Variants in RIMBP2 observed in about 807,000 individuals in gnomAD.
RIMBP2 encodes RIMS binding protein 2.
In RIMBP2, 48 loss-of-function variants were observed where a neutral mutation model predicts 118.6. The ratio of observed to expected loss-of-function variants is 0.40; its 90% CI spans 0.32 to 0.51. The LOEUF is 0.51. Among genes scored for constraint, RIMBP2 ranks in the 20% least tolerant of loss-of-function variants. The pLI is 0.41. For missense variants in RIMBP2, 1,551 were observed against 1,768.3 expected, an observed-to-expected ratio of 0.88 and a Z score of 2.20; for synonymous variants, 762 against 742.9, an observed-to-expected ratio of 1.03 and a Z score of -0.42.
rs1458623576 is a variant in RIMBP2, at chr12:130,458,125, C to G, written c.154-1425G>C. On this transcript the variant is annotated intron_variant, in intron 6 of 22. Coordinates refer to ENST00000690449, the MANE Select transcript of RIMBP2 (RefSeq NM_001393629.1). ...ATCCATCCTCTCCCCCACTATCCCT[C>G]CACAGGCAGCAGGCTTCTCAGCTCC... Among the ~76,000 whole-genome samples, 4 of 151,420 alleles carry G rather than the reference C, an allele frequency of 2.6e-5. No homozygotes were observed. In the East Asian group the frequency reaches 5.9e-4, roughly 22 times the overall value.
At position 130,436,947 on chromosome 12, in the gene RIMBP2, G is replaced by T; in HGVS notation, c.2001C>A (p.Pro667=). ...EPPVGPGRRS[P]SPSRILPQPQ... The stretch of plus-strand genomic sequence containing the variant: ...GCTGTGGCAGGATGCGGCTGGGTGA[G>T]GGCGACCGCCTTCCGGGGCCCACGG... The change falls in exon 13 of 23, where the codon CCC becomes CCA. Residue 667 remains proline (P), a synonymous_variant. Coordinates refer to ENST00000690449, the MANE Select transcript of RIMBP2 (RefSeq NM_001393629.1). 1.2e-6 allele frequency: 2 copies of T among 1,602,274 alleles called. No homozygotes were observed. Among genetic ancestry groups the T allele is most frequent in the Non-Finnish European group, 1.7e-6 (2 of 1,175,930 alleles).
chr12:130,708,490 C>T (rs1593050615), intron 1 of RIMBP2, among the ~76,000 whole-genome samples: 1 of 152,062 alleles, frequency 6.6e-6, no homozygotes, highest in Non-Finnish European at 1.5e-5. Flanking sequence ...GAGTTTGAGA[C>T]CAGCCTGGGC....
At chr12:130,714,660 C>T (rs1220710574) in intron 1 of RIMBP2, among the ~76,000 whole-genome samples, 1 of 152,196 alleles carries the variant, frequency 6.6e-6, no homozygotes, top group African/African-American at 2.4e-5. Flanking sequence ...TGCCATATGG[C>T]CACGGCACAG....
In RIMBP2 at chr12:130,414,151, G is replaced by C. The variant is rs1458928890; in HGVS notation, c.3394C>G (p.Pro1132Ala). The C allele has an allele frequency of 6.2e-7, 1 of 1,614,206 alleles. No homozygotes were observed. Reference sequence around the variant, plus strand: ...TTGATGATCTGGCCTTCTTTAAAGGGAAGCTCCTCCTCTGCAGCATCTGGG... The same window carrying C: ...TTGATGATCTGGCCTTCTTTAAAGGCAAGCTCCTCCTCTGCAGCATCTGGG... ...PNPDAAEEEL[P>A]FKEGQIIKVY... The change falls in exon 18 of 23, where the codon CCC (proline) becomes GCC (alanine). Residue 1132 changes from proline (P) to alanine (A), a missense_variant. This residue lies in a region of RIMBP2 where 1,038 missense variants were observed against 1,125.1 expected (regional missense o/e 0.92). Coordinates refer to ENST00000690449, the MANE Select transcript of RIMBP2 (RefSeq NM_001393629.1).
At chr12:130,605,265 T>C (rs760931544) in intron 2 of RIMBP2, among the ~76,000 whole-genome samples, 3 of 152,218 alleles carry the variant, frequency 2.0e-5, no homozygotes, top group Non-Finnish European at 2.9e-5. Context: ...GTAGACTCTA[T>C]AAATCAAAGA....
chr12:130,492,692 C>T (rs1256790528), intron 4 of RIMBP2, among the ~76,000 whole-genome samples: 1 of 152,232 alleles, frequency 6.6e-6, no homozygotes, highest in Non-Finnish European at 1.5e-5. Context: ...GTGTTCAATG[C>T]CATTTCCAAC....
intron 12 of RIMBP2, 30 bp downstream of exon 12, chr12:130,438,335 A>AAC: frequency 1.2e-4 from 107 of 864,936 alleles, no homozygotes; most frequent in Non-Finnish European, 1.8e-4. Context: ...GGCCTAACAA[A>AAC]CCCTCCCCAC....
chr12:130,421,189 T>C (rs1320856232), intron 17 of RIMBP2, among the ~76,000 whole-genome samples: 1 of 152,166 alleles, frequency 6.6e-6, no homozygotes, highest in Non-Finnish European at 1.5e-5. Flanking sequence ...GACACACGAA[T>C]TGAATGAAGA....
At chr12:130,409,221 C>T (rs1313606173) in intron 19 of RIMBP2, among the ~76,000 whole-genome samples, 1 of 151,956 alleles carries the variant, frequency 6.6e-6, no homozygotes, top group African/African-American at 2.4e-5. Flanking sequence ...AGATATAGAC[C>T]GGCCATAGTC....
chr12:130,630,000 G>C (rs1339730540), intron 1 of RIMBP2, among the ~76,000 whole-genome samples: 1 of 92,136 alleles, frequency 1.1e-5, no homozygotes, highest in African/African-American at 3.4e-5. Flanking sequence ...AAAGCAACAA[G>C]TCTAACAAGT....
Position 130,424,922 on chromosome 12 carries a change from C to T in RIMBP2, c.2413-64G>A. On this transcript the variant is annotated intron_variant, in intron 15 of 22. Coordinates refer to ENST00000690449, the MANE Select transcript of RIMBP2 (RefSeq NM_001393629.1). This position sits in a 1 kb window ranked among gnomAD's most constrained non-coding sequence, Gnocchi z 9.8. ...GTGTGTGGTCAGCATGAAGTGGGGG[C>T]CAGGGGAGGAAAGAAAATACAGACA... The T allele has an allele frequency of 1.0e-6, 1 of 996,562 alleles. No homozygotes were observed. Among genetic ancestry groups the T allele is most frequent in the Non-Finnish European group, 1.3e-6 (1 of 773,708 alleles). The allele number at this position is 996,562 out of a possible 1,614,324, so 61.7% of individuals were successfully genotyped here.
chr12:130,447,060 CAG>C lies in RIMBP2; in HGVS notation c.582-1793_582-1792del, dbSNP rs1289863930. Among the ~76,000 whole-genome samples, 1 of 150,972 alleles carries C rather than the reference CAG, an allele frequency of 6.6e-6. No individual in the cohort carries two copies. Among genetic ancestry groups the C allele is most frequent in the East Asian group, 1.9e-4 (1 of 5,134 alleles). On this transcript the variant is annotated intron_variant, in intron 9 of 22. Coordinates refer to ENST00000690449, the MANE Select transcript of RIMBP2 (RefSeq NM_001393629.1). This position sits in a 1 kb window ranked among gnomAD's most constrained non-coding sequence, Gnocchi z 4.4. ...TAGATGGCCGAGACACAGAAGCTGG[CAG>C]AGTGTTCTCGGAGGAGGAGGAGGAG...
In RIMBP2 at chr12:130,622,510, T is replaced by C. The variant is rs117368682; in HGVS notation, c.-217+5812A>G. On this transcript the variant is annotated intron_variant, in intron 2 of 22. Coordinates refer to ENST00000690449, the MANE Select transcript of RIMBP2 (RefSeq NM_001393629.1). This position sits in a 1 kb window ranked among gnomAD's most constrained non-coding sequence, Gnocchi z 8.5. ...TTTATATATAATATATATTTGATAA[T>C]AGAGATGGAGTCTCACTTTGTTGCC... 5.5e-3 allele frequency among the ~76,000 whole-genome samples: 840 copies of C among 152,116 alleles called. 28 individuals carry two copies. In the East Asian group the frequency reaches 0.089, roughly 16 times the overall value.
intron 4 of RIMBP2, among the ~76,000 whole-genome samples, chr12:130,495,914 T>G (rs1015042231): frequency 6.6e-6 from 1 of 152,200 alleles, no homozygotes; most frequent in African/African-American, 2.4e-5. Flanking sequence ...AAATTCAAAT[T>G]TGAACTCAGA....
intron 1 of RIMBP2, among the ~76,000 whole-genome samples, chr12:130,689,955 G>A (rs564554490): frequency 5.3e-5 from 8 of 152,262 alleles, no homozygotes; most frequent in Non-Finnish European, 8.8e-5. Context: ...TCAGGAGTAA[G>A]GGGAGAACCT....
At chr12:130,468,207 T>C (rs751293378) in intron 6 of RIMBP2, among the ~76,000 whole-genome samples, 1 of 152,212 alleles carries the variant, frequency 6.6e-6, no homozygotes, top group African/African-American at 2.4e-5. Context: ...GTGCTCACCC[T>C]GCAAAGGCCA....
intron 2 of RIMBP2, among the ~76,000 whole-genome samples, chr12:130,535,738 C>CATATATATATATATATAT (rs55887629): frequency 3.0e-5 from 2 of 66,738 alleles, no homozygotes; most frequent in Admixed American, 2.0e-4. Flanking sequence ...CATATATATA[C>CATATATATATATATATAT]ATATATATAT....
chr12:130,696,969 G>A (rs896811987), intron 1 of RIMBP2, among the ~76,000 whole-genome samples: 12 of 152,190 alleles, frequency 7.9e-5, no homozygotes, highest in African/African-American at 2.7e-4. Flanking sequence ...GTGAACGGGG[G>A]CTGTAAGGTG....
rs150795081 is a variant in RIMBP2, at chr12:130,597,523, G to C, written c.-217+30799C>G. On this transcript the variant is annotated intron_variant, in intron 2 of 22. Transcript: ENST00000690449. ...CCCAAAGTGCTGGGATTACAGGCGT[G>C]AGCCACCATGCCTGGCCAAGGTAAC... 6.1e-3 allele frequency among the ~76,000 whole-genome samples: 934 copies of C among 152,356 alleles called. 9 individuals carry two copies. Among genetic ancestry groups the C allele is most frequent in the African/African-American group, 0.022 (898 of 41,586 alleles).
Sources: gnomAD v4.1 joint callset for allele counts (sites outside exome capture counted in the v4.1 genomes callset) on GRCh38, gnomAD v4.1.1 for gene constraint, gnomAD v4.1.1 regional missense constraint, Gnocchi (gnomAD v3.1) non-coding constraint, MANE v1.5 for transcripts, NCBI Gene and HGNC (gene_info 2026-07-23, HGNC 2026-07-21) for gene names.